Variants in POLI observed in about 807,000 individuals in gnomAD.
POLI encodes DNA polymerase iota.
POLI carries 58 observed loss-of-function variants against 51.6 expected under a neutral mutation model. The observed-to-expected ratio is 1.12, with a 90% confidence interval of 0.91 to 1.40. POLI has a LOEUF of 1.40. Ranked by LOEUF, POLI falls within the 40% of genes most tolerant of loss-of-function variation. The pLI is 0.00. For missense variants in POLI, 921 were observed against 871.3 expected, an observed-to-expected ratio of 1.06 and a Z score of -0.72; for synonymous variants, 322 against 299.7, an observed-to-expected ratio of 1.07 and a Z score of -0.77.
intron 8 of POLI, among the ~76,000 whole-genome samples, chr18:54,287,875 A>C (rs541153684): frequency 6.6e-6 from 1 of 152,236 alleles, no homozygotes; most frequent in Non-Finnish European, 1.5e-5. Context: ...TAAATAGATA[A>C]TTAAGTAAAG....
intron 1 of POLI, 50 bp from the exon 2 acceptor site, chr18:54,271,310 G>C: frequency 1.3e-6 from 2 of 1,553,044 alleles, no homozygotes; most frequent in African/African-American, 1.4e-5. Flanking sequence ...CAGTTGCTCA[G>C]AGATAATAAG....
intron 8 of POLI, 137 bp downstream of exon 8, chr18:54,287,548 G>C (rs1405583708): frequency 1.7e-6 from 1 of 580,194 alleles, no homozygotes; most frequent in Non-Finnish European, 3.0e-6. Flanking sequence ...ATTCTATCAG[G>C]AATTTTCACT....
rs777919126 is a variant in POLI, at chr18:54,280,817, TCTTTAAA to T, written c.712_718del (p.Phe238GlnfsTer19). On this transcript the variant is annotated frameshift_variant, in exon 5 of 10. Transcript: ENST00000579534. LOFTEE classifies it high-confidence loss of function. ...CTGTTGGCAAAATTAGTTTCTGGTG[TCTTTAAA>T]CCAAATCAACAAACAGTCTTATTAC... The T allele has an allele frequency of 1.4e-5, 23 of 1,613,792 alleles. No homozygotes were observed. The East Asian group carries it at 4.9e-4, about 34-fold the overall frequency.
At position 54,294,453 on chromosome 18, in the gene POLI, A is replaced by G. The variant is rs770779391; in HGVS notation, c.2209A>G (p.Ile737Val). The change falls in exon 10 of 10, where the codon ATT becomes GTT. Residue 737 changes from isoleucine (I) to valine (V), a missense_variant. Transcript: ENST00000579534. ...EWKRAGSDFH[I>V]GHK is the part of the protein sequence containing the mutation. ...GAAGAGAGCAGGATCAGATTTCCAC[A>G]TTGGACATAAATAAGCATATTCAGC... 10 of 1,595,596 alleles carry G rather than the reference A, an allele frequency of 6.3e-6. 1 individual carries two copies. The South Asian group carries it at 1.1e-4, about 18-fold the overall frequency.
intron 8 of POLI, among the ~76,000 whole-genome samples, chr18:54,288,894 T>A (rs1290883226): frequency 6.6e-6 from 1 of 152,178 alleles, no homozygotes; most frequent in Non-Finnish European, 1.5e-5. Context: ...TCTTTAATTC[T>A]TTGGACATAT....
chr18:54,306,389 G>A lies in POLI; in HGVS notation c.334-13884G>A, dbSNP rs956219081. Among the ~76,000 whole-genome samples, 9 of 152,192 alleles carry A rather than the reference G, an allele frequency of 5.9e-5. No homozygotes were observed. The South Asian group carries it at 8.3e-4, about 14-fold the overall frequency. ...TGATGGATTATGTTTATTGATTTAC[G>A]TATGTTGAGCCAGCCTTGTATCCCA... On this transcript the variant is annotated intron_variant, in intron 3 of 4. Coordinates refer to the POLI transcript ENST00000579823.
chr18:54,306,744 A>G (rs749799335), intron 3 of POLI, among the ~76,000 whole-genome samples: 6 of 152,148 alleles, frequency 3.9e-5, no homozygotes, highest in Non-Finnish European at 5.9e-5. Context: ...TGTTGCCTCA[A>G]TTTCAGAGCC....
intron 8 of POLI, among the ~76,000 whole-genome samples, chr18:54,290,006 CACAGCAAAAGAA>C (rs1163169273): frequency 3.3e-5 from 5 of 152,176 alleles, no homozygotes; most frequent in African/African-American, 4.8e-5. Context: ...AGAGCTTCTG[CACAGCAAAAGAA>C]ACTATCAGCA....
rs897297186 is a variant in POLI, at chr18:54,295,205, C to T, written c.*738C>T. ...AAAGGCAAGGTGATGGGCCTATAAGCATACTGGATAATGGAAGAAGTCCAT... is the reference window on the plus strand; with the variant it reads ...AAAGGCAAGGTGATGGGCCTATAAGTATACTGGATAATGGAAGAAGTCCAT... On this transcript the variant is annotated 3_prime_UTR_variant, in exon 10 of 10. Coordinates refer to ENST00000579534, the MANE Select transcript of POLI (RefSeq NM_007195.3). 1.6e-5 allele frequency: 16 copies of T among 985,338 alleles called. No homozygotes were observed. The highest frequency in any genetic ancestry group is 1.8e-5 in the Non-Finnish European group (15 of 829,876). 61.0% of individuals were successfully genotyped at this position (985,338 alleles called of 1,614,324 possible).
intron 7 of POLI, among the ~76,000 whole-genome samples, chr18:54,285,122 G>C (rs1007267376): frequency 5.9e-5 from 9 of 152,168 alleles, no homozygotes; most frequent in Non-Finnish European, 1.3e-4. Flanking sequence ...CAAATGTCTT[G>C]AGCAGAGCCA....
At chr18:54,273,030 T>C (rs969023836) in intron 2 of POLI, among the ~76,000 whole-genome samples, 1 of 151,998 alleles carries the variant, frequency 6.6e-6, no homozygotes, top group Admixed American at 6.6e-5. Flanking sequence ...CTTTTTTTTC[T>C]ACATGTTTGT....
At position 54,295,651 on chromosome 18, in the gene POLI, A is replaced by C. The variant is rs1241524156; in HGVS notation, c.*1184A>C. The C allele has an allele frequency of 2.1e-6, 1 of 485,216 alleles. No homozygotes were observed. The highest frequency in any genetic ancestry group is 2.7e-6 in the Non-Finnish European group (1 of 373,752). The allele number at this position is 485,216 out of a possible 1,614,324, so 30.1% of individuals were successfully genotyped here. Reference sequence around the variant, plus strand: ...TTCTTTCTTTTTTTGTTTTGGAGACAGAGTCTCACTCTGTCGCCCAGGGTG... The same window carrying C: ...TTCTTTCTTTTTTTGTTTTGGAGACCGAGTCTCACTCTGTCGCCCAGGGTG... On this transcript the variant is annotated 3_prime_UTR_variant, in exon 10 of 10. Coordinates refer to ENST00000579534, the MANE Select transcript of POLI (RefSeq NM_007195.3).
Position 54,296,034 on chromosome 18 carries a change from A to G in POLI, c.*1567A>G, listed in dbSNP as rs912682121. The G allele has an allele frequency of 4.1e-6, 4 of 985,026 alleles. No homozygotes were observed. The highest frequency in any genetic ancestry group is 6.2e-5 in the Admixed American group (1 of 16,250). The allele number at this position is 985,026 out of a possible 1,614,324, so 61.0% of individuals were successfully genotyped here. ...GAGGTTATCAGGAACAGTAACTTGA[A>G]GCAAGAACATCAGAAATTGTTCACC... On this transcript the variant is annotated 3_prime_UTR_variant, in exon 10 of 10. Coordinates refer to ENST00000579534, the MANE Select transcript of POLI (RefSeq NM_007195.3).
chr18:54,277,367 A>C (rs1200381225), intron 3 of POLI, among the ~76,000 whole-genome samples: 1 of 152,200 alleles, frequency 6.6e-6, no homozygotes, highest in Non-Finnish European at 1.5e-5. Context: ...ATTCTTTGAC[A>C]CATTTCTTCA....
At chr18:54,292,066 T>G (rs762707590) in intron 9 of POLI, 28 bp downstream of exon 9, 1 of 1,361,640 alleles carries the variant, frequency 7.3e-7, no homozygotes, top group South Asian at 1.2e-5. Context: ...TGTTCAGTTT[T>G]CTAAGTATAC....
chr18:54,269,636 C>A lies in POLI; in HGVS notation c.90C>A (p.Asp30Glu), dbSNP rs758380680. 2.7e-6 allele frequency: 4 copies of A among 1,507,736 alleles called. No individual in the cohort carries two copies. Among genetic ancestry groups the A allele is most frequent in the Admixed American group, 4.5e-5 (2 of 44,794 alleles). The allele number at this position is 1,507,736 out of a possible 1,614,324, so 93.4% of individuals were successfully genotyped here. ...AGGCCTGGGCCATGGAACTGGCGGACGTGGGGGCGGCAGCCAGCTCGCAGG... is the reference window on the plus strand; with the variant it reads ...AGGCCTGGGCCATGGAACTGGCGGAAGTGGGGGCGGCAGCCAGCTCGCAGG... ...DAEAWAMELA[D>E]VGAAASSQGV... Residue 30 changes from aspartate (D) to glutamate (E), a missense_variant, in exon 1 of 10, where the codon GAC becomes GAA. By Grantham distance (45) the Asp-to-Glu change is conservative (BLOSUM62 2). Transcript: ENST00000579534.
In POLI at chr18:54,297,864, G is replaced by T. The variant is rs2088410533; in HGVS notation, c.*3397G>T. 1 of 980,608 alleles carries T rather than the reference G, an allele frequency of 1.0e-6. No homozygotes were observed. The highest frequency in any genetic ancestry group is 1.8e-5 in the African/African-American group (1 of 56,602). The allele number at this position is 980,608 out of a possible 1,614,324, so 60.7% of individuals were successfully genotyped here. A position where few individuals can be genotyped will look rare whatever the true frequency, so the allele number is the denominator to read the frequency against. On this transcript the variant is annotated 3_prime_UTR_variant, in exon 10 of 10. Coordinates refer to ENST00000579534, the MANE Select transcript of POLI (RefSeq NM_007195.3). ...ATGTTTATTTTTTTGATGGGACATG[G>T]TGGGGGCTTACCTTTTTTCTTGTGT...
chr18:54,319,140 G>A (rs1467962586), intron 3 of POLI, among the ~76,000 whole-genome samples: 1 of 152,142 alleles, frequency 6.6e-6, no homozygotes, highest in Non-Finnish European at 1.5e-5. Flanking sequence ...GCTGAGTGCT[G>A]TAAAGAGCCT....
chr18:54,279,286 A>C (rs2087391320), intron 4 of POLI, among the ~76,000 whole-genome samples: 1 of 130,698 alleles, frequency 7.7e-6, no homozygotes, highest in Admixed American at 9.0e-5. Context: ...TCTGTCGCCC[A>C]GGCCGGAGTG....
Sources: allele counts gnomAD v4.1 joint callset (sites outside exome capture counted in the v4.1 genomes callset), GRCh38; gene constraint gnomAD v4.1.1; transcripts MANE v1.5; gene names NCBI Gene and HGNC (gene_info 2026-07-23, HGNC 2026-07-21).